CDC42SE2: variants seen among roughly 807,000 people sequenced by gnomAD.
CDC42SE2 encodes CDC42 small effector 2, also known as CDC42 small effector protein 2.
In CDC42SE2, 3 loss-of-function variants were observed where a neutral mutation model predicts 11.5. That is an observed-to-expected ratio of 0.26 (90% CI 0.12 to 0.67). CDC42SE2 has a LOEUF of 0.67. Ranked by LOEUF, CDC42SE2 falls within the 30% of genes least tolerant of loss-of-function variation. The probability of loss-of-function intolerance (pLI) is 0.80; values close to 1 mark genes in which losing one functional copy is unlikely to be tolerated. For missense variants in CDC42SE2, 82 were observed against 106.8 expected, an observed-to-expected ratio of 0.77 and a Z score of 1.02; for synonymous variants, 33 against 34.8, an observed-to-expected ratio of 0.95 and a Z score of 0.18.
At chr5:131,370,066 A>T (rs1749973145) in intron 3 of CDC42SE2, among the ~76,000 whole-genome samples, 1 of 152,186 alleles carries the variant, frequency 6.6e-6, no homozygotes, top group Admixed American at 6.5e-5. Flanking sequence ...AGAGATGAAA[A>T]ATAAAGAGAA....
intron 3 of CDC42SE2, among the ~76,000 whole-genome samples, chr5:131,367,790 A>AT (rs1363956857): frequency 6.6e-6 from 1 of 152,008 alleles, no homozygotes; most frequent in Non-Finnish European, 1.5e-5. Context: ...GTGCTTAAGA[A>AT]TTTTTTCTTA....
chr5:131,346,489 C>G (rs1027900032), intron 2 of CDC42SE2, among the ~76,000 whole-genome samples: 2 of 152,080 alleles, frequency 1.3e-5, no homozygotes, highest in African/African-American at 4.8e-5. Context: ...ACAGGAGTAC[C>G]CAGATTCATA....
intron 1 of CDC42SE2, among the ~76,000 whole-genome samples, chr5:131,270,882 T>G (rs182855023): frequency 2.2e-4 from 33 of 152,274 alleles, no homozygotes; most frequent in Non-Finnish European, 2.9e-5. Context: ...TTGCCAGGTC[T>G]TCTTCAGTAT....
upstream of CDC42SE2, among the ~76,000 whole-genome samples, chr5:131,243,913 C>T (rs1164676694): frequency 6.6e-6 from 1 of 152,130 alleles, no homozygotes; most frequent in African/African-American, 2.4e-5. Context: ...AGCAATGGAA[C>T]CCAGAAGACA....
intron 1 of CDC42SE2, among the ~76,000 whole-genome samples, chr5:131,298,478 G>A (rs2149714354): frequency 6.6e-6 from 1 of 151,120 alleles, no homozygotes; most frequent in East Asian, 1.9e-4. Flanking sequence ...GATTTGAACT[G>A]TGGATATTAT....
intron 2 of CDC42SE2, among the ~76,000 whole-genome samples, chr5:131,256,736 T>A (rs1756682505): frequency 6.6e-6 from 1 of 152,248 alleles, no homozygotes; most frequent in South Asian, 2.1e-4. Flanking sequence ...CTTTGCCATG[T>A]GGGCCCACCC....
At chr5:131,291,535 G>T (rs531294729) in intron 1 of CDC42SE2, among the ~76,000 whole-genome samples, 41 of 152,014 alleles carry the variant, frequency 2.7e-4, no homozygotes, top group Middle Eastern at 3.4e-3. Flanking sequence ...TACATTAAAA[G>T]ACTAAATATA....
At chr5:131,262,245 C>G (rs1756746201), upstream of CDC42SE2, among the ~76,000 whole-genome samples, 1 of 151,298 alleles carries the variant, frequency 6.6e-6, no homozygotes, top group South Asian at 2.1e-4. Context: ...ATGTTATTCT[C>G]ATTCAGTGAA....
At chr5:131,242,996 A>G (rs1451017136), upstream of CDC42SE2, among the ~76,000 whole-genome samples, 1 of 152,234 alleles carries the variant, frequency 6.6e-6, no homozygotes, top group African/African-American at 2.4e-5. Flanking sequence ...AAAGGATCCC[A>G]GAACTGTTGA....
chr5:131,361,123 A>AT lies in CDC42SE2; in HGVS notation c.54+1583dup, dbSNP rs1488351946. Among the ~76,000 whole-genome samples, 23 of 102,652 alleles carry AT rather than the reference A, an allele frequency of 2.2e-4. No individual in the cohort carries two copies. The East Asian group carries it at 5.6e-3, about 25-fold the overall frequency. The allele number at this position is 102,652 out of a possible 152,430, so 67.3% of individuals were successfully genotyped here. On this transcript the variant is annotated intron_variant, in intron 3 of 4. Transcript: ENST00000505065. ...TTTATTTTATTTTATTTATTTATTT[A>AT]TTTTTTTGAGATGGAGTCTCATTCT...
intron 1 of CDC42SE2, among the ~76,000 whole-genome samples, chr5:131,289,039 A>G (rs975980724): frequency 2.0e-5 from 3 of 152,156 alleles, no homozygotes; most frequent in Admixed American, 6.6e-5. Flanking sequence ...TTTTGTAAAA[A>G]CTGCTTAATA....
chr5:131,365,518 A>G (rs933116738), intron 3 of CDC42SE2, among the ~76,000 whole-genome samples: 2 of 152,216 alleles, frequency 1.3e-5, no homozygotes, highest in African/African-American at 4.8e-5. Flanking sequence ...TTCAGGAACC[A>G]CATTTTATAC....
intron 2 of CDC42SE2, among the ~76,000 whole-genome samples, chr5:131,347,501 T>C (rs1580770299): frequency 6.6e-6 from 1 of 152,156 alleles, no homozygotes; most frequent in Non-Finnish European, 1.5e-5. Context: ...ATTGAGGCAA[T>C]AATCAATAGC....
rs894345639 is a variant in CDC42SE2, at chr5:131,339,509, A to G, written c.-285-19700A>G. On this transcript the variant is annotated intron_variant, in intron 2 of 4. Transcript: ENST00000505065. ...AAAGAGCCAAATAGAACTTATTAAA[A>G]TGAAAATTATCATTTGGCCAAGCGC... 7.2e-5 allele frequency among the ~76,000 whole-genome samples: 11 copies of G among 152,240 alleles called. 1 individual carries two copies. The South Asian group carries it at 2.3e-3, about 32-fold the overall frequency.
chr5:131,293,468 C>T (rs143652140), intron 1 of CDC42SE2, among the ~76,000 whole-genome samples: 1 of 150,906 alleles, frequency 6.6e-6, no homozygotes. Context: ...GTTACCGGGG[C>T]GGCTGAGGCA....
At chr5:131,381,366 C>T (rs1304656175) in intron 3 of CDC42SE2, among the ~76,000 whole-genome samples, 1 of 151,916 alleles carries the variant, frequency 6.6e-6, no homozygotes, top group East Asian at 1.9e-4. Context: ...TCTTGTCCCC[C>T]AGGCCTGAGT....
chr5:131,280,388 C>T (rs1757214194), intron 1 of CDC42SE2, among the ~76,000 whole-genome samples: 3 of 152,146 alleles, frequency 2.0e-5, no homozygotes, highest in Admixed American at 2.0e-4. Flanking sequence ...TTCACAAAAT[C>T]TTACATAGAC....
At chr5:131,367,572 C>T (rs1007883131) in intron 3 of CDC42SE2, among the ~76,000 whole-genome samples, 3 of 152,032 alleles carry the variant, frequency 2.0e-5, no homozygotes, top group Non-Finnish European at 4.4e-5. Flanking sequence ...TGTTCTTTTC[C>T]GATTGCTAGT....
intron 2 of CDC42SE2, among the ~76,000 whole-genome samples, chr5:131,323,091 A>G (rs554086963): frequency 3.3e-5 from 5 of 151,986 alleles, no homozygotes; most frequent in African/African-American, 7.2e-5. Context: ...ATAATGGACA[A>G]TCGTGACTCA....
Sources: allele counts gnomAD v4.1 joint callset (sites outside exome capture counted in the v4.1 genomes callset), GRCh38; gene constraint gnomAD v4.1.1; transcripts MANE v1.5; gene names NCBI Gene and HGNC (gene_info 2026-07-23, HGNC 2026-07-21).